IL18R1: variants seen among roughly 807,000 people sequenced by gnomAD.
IL18R1 encodes the protein interleukin 18 receptor 1.
A neutral mutation model predicts 48.5 loss-of-function variants in IL18R1; 40 were observed. The ratio of observed to expected loss-of-function variants is 0.82; its 90% CI spans 0.64 to 1.07. The LOEUF is 1.07. Ranked by LOEUF, IL18R1 falls within the 50% of genes least tolerant of loss-of-function variation. The pLI, the probability that IL18R1 is intolerant of heterozygous loss-of-function variation, is 0.00. For synonymous variants in IL18R1, 232 were observed against 225.9 expected (o/e 1.03, Z -0.24); for missense variants, 596 against 633.7 (o/e 0.94, Z 0.64).
intron 6 of IL18R1, among the ~76,000 whole-genome samples, chr2:102,383,621 T>TTTTTTTTAAAC (rs1238287665): frequency 7.2e-5 from 11 of 152,182 alleles, no homozygotes; most frequent in Non-Finnish European, 1.5e-4. Flanking sequence ...TTGGCATATT[T>TTTTTTTTAAAC]GTCTTTTTTT....
chr2:102,387,304 C>T (rs1276152996), intron 8 of IL18R1, among the ~76,000 whole-genome samples: 9 of 152,150 alleles, frequency 5.9e-5, no homozygotes, highest in Non-Finnish European at 1.3e-4. Flanking sequence ...CAGGACAACC[C>T]CTGCACCCAG....
intron 4 of IL18R1, among the ~76,000 whole-genome samples, chr2:102,375,418 G>T (rs547714822): frequency 1.5e-4 from 23 of 152,276 alleles, no homozygotes; most frequent in African/African-American, 4.6e-4. Flanking sequence ...GGGTGTCAAA[G>T]GTGTGGGTGG....
At chr2:102,385,984 T>C (rs1302127773) in intron 7 of IL18R1, among the ~76,000 whole-genome samples, 5 of 152,234 alleles carry the variant, frequency 3.3e-5, no homozygotes, top group Admixed American at 6.5e-5. Flanking sequence ...ATCATCTGTT[T>C]TGTCCTCTCA....
At chr2:102,380,162 G>A (rs958840870) in intron 5 of IL18R1, among the ~76,000 whole-genome samples, 9 of 151,144 alleles carry the variant, frequency 6.0e-5, no homozygotes, top group Non-Finnish European at 1.5e-5. Flanking sequence ...AGGTAGGCTG[G>A]CCATGTCAAG....
Position 102,394,726 on chromosome 2 carries a change from A to G in IL18R1, c.1270+99A>G, listed in dbSNP as rs41469845. 78 of 1,063,416 alleles carry G rather than the reference A, an allele frequency of 7.3e-5. 1 individual carries two copies. The East Asian group carries it at 2.0e-3, about 27-fold the overall frequency. The allele number at this position is 1,063,416 out of a possible 1,614,324, so 65.9% of individuals were successfully genotyped here. The stretch of plus-strand genomic sequence containing the variant: ...GAGCTATCCCATTTTCCTTAAAAAC[A>G]AATGAATAAGGTCCTTTAAGCAAGA... On this transcript the variant is annotated intron_variant, in intron 10 of 10. Transcript: ENST00000233957.
At chr2:102,368,595 C>T (rs894368331) in intron 3 of IL18R1, among the ~76,000 whole-genome samples, 4 of 152,044 alleles carry the variant, frequency 2.6e-5, no homozygotes, top group East Asian at 1.9e-4. Context: ...CCACAGCTGG[C>T]GGCAGTGAGA....
chr2:102,376,845 G>T lies in IL18R1; in HGVS notation c.625+782G>T, dbSNP rs564830763. Among the ~76,000 whole-genome samples, 164 of 152,334 alleles carry T rather than the reference G, an allele frequency of 1.1e-3. 1 individual carries two copies. Among genetic ancestry groups the T allele is most frequent in the Middle Eastern group, 0.01 (3 of 294 alleles). On this transcript the variant is annotated intron_variant, in intron 5 of 10. Coordinates refer to ENST00000233957, the MANE Select transcript of IL18R1 (RefSeq NM_003855.5). ...CCTTCTTGGGAACTATCAAGGAAAT[G>T]ACCAAATCACACAGCAGTGTAGTCC...
chr2:102,382,323 C>T lies in IL18R1; in HGVS notation c.688+641C>T, dbSNP rs1679968169. On this transcript the variant is annotated intron_variant, in intron 6 of 10. Transcript: ENST00000233957. ...TAAATTTAAAAATTCCGTGAGAGCA[C>T]TCTGGAGAGATGAGTCAAACTAATT... is the stretch of plus-strand genomic sequence containing the variant. 3.9e-5 allele frequency among the ~76,000 whole-genome samples: 6 copies of T among 152,112 alleles called. No individual in the cohort carries two copies. The South Asian group carries it at 1.2e-3, about 32-fold the overall frequency.
Position 102,390,168 on chromosome 2 carries a change from C to T in IL18R1, c.1062C>T (p.Asp354=), listed in dbSNP as rs777733568. The T allele has an allele frequency of 1.9e-6, 3 of 1,613,918 alleles. No individual in the cohort carries two copies. The highest frequency in any genetic ancestry group is 1.1e-5 in the South Asian group (1 of 91,068). Residue 354 remains aspartate, a synonymous_variant, in exon 9 of 11, where the codon GAC becomes GAT. Coordinates refer to ENST00000233957, the MANE Select transcript of IL18R1 (RefSeq NM_003855.5). ...CTGTGTGTGTCATTTATAGAGTTGA[C>T]TTGGTTCTATTTTATAGACATTTAA... ...LVTVCVIYRV[D]LVLFYRHLTR...
chr2:102,362,757 T>C (rs1678654061), intron 2 of IL18R1, 39 bp downstream of exon 2: 2 of 1,297,120 alleles, frequency 1.5e-6, no homozygotes, highest in East Asian at 2.4e-5. Context: ...ATTTCATGAG[T>C]AATTGAGGAA....
chr2:102,368,054 C>CT lies in IL18R1; in HGVS notation c.293dup (p.Gln99ProfsTer18). ...TTGAGTTGAATGACACAGGATCTTA[C>CT]TTTTTCCAAATGAAGTGAGTAACCC... On this transcript the variant is annotated frameshift_variant, in exon 3 of 11. Transcript: ENST00000233957. LOFTEE classifies it high-confidence loss of function. The CT allele has an allele frequency of 6.2e-7, 1 of 1,614,146 alleles. No homozygotes were observed. The highest frequency in any genetic ancestry group is 8.5e-7 in the Non-Finnish European group (1 of 1,180,002).
At chr2:102,391,899 G>T (rs763892497) in intron 9 of IL18R1, among the ~76,000 whole-genome samples, 156 of 151,700 alleles carry the variant, frequency 1.0e-3, no homozygotes, top group Middle Eastern at 3.4e-3. Context: ...GTTCCATGGG[G>T]CAATGGCTTT....
chr2:102,360,576 A>G (rs1478347697), intron 1 of IL18R1, among the ~76,000 whole-genome samples: 1 of 152,178 alleles, frequency 6.6e-6, no homozygotes, highest in Non-Finnish European at 1.5e-5. Context: ...CATCTTAATT[A>G]TGTGACAACA....
At chr2:102,387,939 GAGAC>G (rs1196632208) in intron 8 of IL18R1, among the ~76,000 whole-genome samples, 1 of 152,044 alleles carries the variant, frequency 6.6e-6, no homozygotes, top group African/African-American at 2.4e-5. Context: ...GAGAGACACA[GAGAC>G]AGAGGAACAG....
At chr2:102,377,564 C>T (rs1427426498) in intron 5 of IL18R1, among the ~76,000 whole-genome samples, 2 of 152,248 alleles carry the variant, frequency 1.3e-5, no homozygotes, top group East Asian at 1.9e-4. Context: ...GATCCCCCTG[C>T]CTTGGTCTCC....
intron 1 of IL18R1, among the ~76,000 whole-genome samples, chr2:102,358,012 A>T (rs1306449676): frequency 5.9e-5 from 9 of 152,184 alleles, no homozygotes; most frequent in Non-Finnish European, 1.3e-4. Context: ...TATTAAAAAA[A>T]AACTGGTGTT....
chr2:102,356,437 C>T (rs760834178), intron 1 of IL18R1, 37 bp downstream of exon 1: 5 of 543,698 alleles, frequency 9.2e-6, no homozygotes, highest in Non-Finnish European at 1.2e-5. Flanking sequence ...CATCCCCTCC[C>T]CACCCCCCAG....
chr2:102,371,101 G>A (rs1468056079), intron 3 of IL18R1, among the ~76,000 whole-genome samples: 1 of 150,896 alleles, frequency 6.6e-6, no homozygotes, highest in Non-Finnish European at 1.5e-5. Flanking sequence ...TTGTTACCCA[G>A]GCTGGAGTGC....
intron 2 of IL18R1, among the ~76,000 whole-genome samples, chr2:102,366,130 G>A (rs938861953): frequency 9.8e-4 from 149 of 152,012 alleles, no homozygotes; most frequent in Non-Finnish European, 1.3e-3. Flanking sequence ...CCATTCCCAC[G>A]AACATGGATT....
Sources: allele counts gnomAD v4.1 joint callset (sites outside exome capture counted in the v4.1 genomes callset), GRCh38; gene constraint gnomAD v4.1.1; transcripts MANE v1.5; gene names NCBI Gene and HGNC (gene_info 2026-07-23, HGNC 2026-07-21).